PIAS1: variants seen among roughly 807,000 people sequenced by gnomAD.
The protein encoded by PIAS1 is E3 SUMO-protein ligase PIAS1.
A neutral mutation model predicts 71.3 loss-of-function variants in PIAS1; 6 were observed. That is an observed-to-expected ratio of 0.08 (90% CI 0.05 to 0.17). The LOEUF (loss-of-function observed/expected upper bound fraction) is 0.17, where lower values mean the gene tolerates loss of function less well. Among genes scored for constraint, PIAS1 ranks in the 10% least tolerant of loss-of-function variants. PIAS1 has a pLI of 1.00. For synonymous variants in PIAS1, 303 were observed against 292.9 expected (o/e 1.03, Z -0.35); for missense variants, 555 against 793.6 (o/e 0.70, Z 3.61).
At chr15:68,144,676 C>T (rs1250604517) in intron 4 of PIAS1, among the ~76,000 whole-genome samples, 1 of 151,962 alleles carries the variant, frequency 6.6e-6, no homozygotes, top group Non-Finnish European at 1.5e-5. Context: ...TAGGAGTGGT[C>T]CTGTGAGCTT....
At position 68,104,205 on chromosome 15, in the gene PIAS1, C is replaced by CT. The variant is rs1792241709; in HGVS notation, c.469+17456dup. 2.0e-5 allele frequency among the ~76,000 whole-genome samples: 3 copies of CT among 152,156 alleles called. No homozygotes were observed. The South Asian group carries it at 6.2e-4, about 32-fold the overall frequency. ...TAGCACGTACCTGGCTTTTTAAAAA[C>CT]TCAGTCTTAAAATTTAACTTACTCT... On this transcript the variant is annotated intron_variant, in intron 2 of 13. Coordinates refer to ENST00000249636, the MANE Select transcript of PIAS1 (RefSeq NM_016166.3).
chr15:68,184,511 A>C (rs2093074952), intron 13 of PIAS1: 1 of 152,256 alleles, frequency 6.6e-6, no homozygotes, highest in Non-Finnish European at 1.5e-5. Flanking sequence ...ATGCTTAAAG[A>C]AAAGACTGGA....
intron 2 of PIAS1, among the ~76,000 whole-genome samples, chr15:68,125,745 G>T (rs190156184): frequency 8.0e-4 from 121 of 152,074 alleles, no homozygotes; most frequent in African/African-American, 2.8e-3. Flanking sequence ...GTGTTACCCA[G>T]GCTGGAGTAC....
At chr15:68,184,060 C>T (rs2093072379) in intron 13 of PIAS1, 1 of 155,542 alleles carries the variant, frequency 6.4e-6, no homozygotes, top group Admixed American at 6.5e-5. Context: ...AGGACAGCCT[C>T]ATACATCCCA....
chr15:68,110,983 G>C (rs904108994), intron 2 of PIAS1, among the ~76,000 whole-genome samples: 2 of 152,098 alleles, frequency 1.3e-5, no homozygotes, highest in African/African-American at 4.8e-5. Flanking sequence ...TACTTTCTCT[G>C]GTTGGCTGTG....
rs1487236670 is a variant in PIAS1 at position 68,186,440 on chromosome 15, AGT to A, written c.1663-1099_1663-1098del. On this transcript the variant is annotated intron_variant, in intron 13 of 13. Transcript: ENST00000249636. The surrounding 1 kb of genome is among the most constrained non-coding windows in gnomAD (Gnocchi z 4.4). ...TACAATGTACTTGTGTTTTAAATTA[AGT>A]GTTACAAGAGTCAAAGTTTTAAAAA... is the stretch of plus-strand genomic sequence containing the variant. Among the ~76,000 whole-genome samples the A allele has an allele frequency of 6.6e-6, 1 of 152,242 alleles. No homozygotes were observed. The highest frequency in any genetic ancestry group is 1.5e-5 in the Non-Finnish European group (1 of 68,040).
chr15:68,069,948 T>G (rs2092076216), intron 1 of PIAS1, among the ~76,000 whole-genome samples: 1 of 152,116 alleles, frequency 6.6e-6, no homozygotes, highest in Non-Finnish European at 1.5e-5. Context: ...TTTTGGGAAA[T>G]GTTTTCTGGA....
intron 6 of PIAS1, among the ~76,000 whole-genome samples, chr15:68,149,147 T>C (rs8030302): frequency 0.49 from 74,251 of 151,806 alleles, 18,892 homozygotes; most frequent in Middle Eastern, 0.56. Context: ...TGGAGAAAAT[T>C]ATGAATTTAC....
intron 1 of PIAS1, among the ~76,000 whole-genome samples, chr15:68,069,628 G>A (rs773979891): frequency 5.9e-5 from 9 of 151,772 alleles, no homozygotes; most frequent in Non-Finnish European, 8.8e-5. Flanking sequence ...CGGTGAAACC[G>A]CGTCTCTACT....
rs1183102179 is a variant in PIAS1 at position 68,174,456 on chromosome 15, A to T, written c.1169+564A>T. 6.6e-6 allele frequency among the ~76,000 whole-genome samples: 1 copy of T among 152,148 alleles called. No homozygotes were observed. The highest frequency in any genetic ancestry group is 1.5e-5 in the Non-Finnish European group (1 of 68,026). ...GGAATGTTCCTCTAAATTTTCTTCT[A>T]TTCTGCAGCCCCCTTTTCCTCCTGC... On this transcript the variant is annotated intron_variant, in intron 9 of 13. Coordinates refer to ENST00000249636, the MANE Select transcript of PIAS1 (RefSeq NM_016166.3). This position sits in a 1 kb window ranked among gnomAD's most constrained non-coding sequence, Gnocchi z 4.0.
At chr15:68,127,473 TCTC>T (rs1189493185) in intron 2 of PIAS1, among the ~76,000 whole-genome samples, 2 of 152,216 alleles carry the variant, frequency 1.3e-5, no homozygotes, top group Non-Finnish European at 2.9e-5. Context: ...TTAGATCAGT[TCTC>T]CTATTTCACT....
intron 1 of PIAS1, among the ~76,000 whole-genome samples, chr15:68,060,707 C>G (rs769784679): frequency 1.3e-5 from 2 of 152,034 alleles, no homozygotes; most frequent in Non-Finnish European, 2.9e-5. Context: ...TATTTTTAAT[C>G]TCAAAACAAA....
chr15:68,109,987 T>A (rs867006897), intron 2 of PIAS1, among the ~76,000 whole-genome samples: 1 of 152,198 alleles, frequency 6.6e-6, no homozygotes, highest in Non-Finnish European at 1.5e-5. Flanking sequence ...TTTTTACTCC[T>A]GTGGAATTTC....
chr15:68,140,004 C>G (rs1032678997), intron 2 of PIAS1, among the ~76,000 whole-genome samples: 2 of 152,038 alleles, frequency 1.3e-5, no homozygotes, highest in Non-Finnish European at 2.9e-5. Context: ...ACTTCACTGT[C>G]ATTTGTAACA....
rs2093003171 is a variant in PIAS1, at chr15:68,173,354, A to T, written c.1009-378A>T. Among the ~76,000 whole-genome samples, 1 of 151,998 alleles carries T rather than the reference A, an allele frequency of 6.6e-6. No individual in the cohort carries two copies. The highest frequency in any genetic ancestry group is 1.5e-5 in the Non-Finnish European group (1 of 68,010). On this transcript the variant is annotated intron_variant, in intron 8 of 13. Transcript: ENST00000249636. The surrounding 1 kb of genome is among the most constrained non-coding windows in gnomAD (Gnocchi z 4.3). ...GGCACTTCAGCCTGGGCAATATAGC[A>T]AGACCCCATCTGTTTAAAAAAAAAA...
intron 8 of PIAS1, among the ~76,000 whole-genome samples, chr15:68,170,131 T>C (rs761272144): frequency 6.6e-6 from 1 of 152,172 alleles, no homozygotes; most frequent in Non-Finnish European, 1.5e-5. Context: ...ACAAGGAAAT[T>C]AGTCCAACCT....
chr15:68,118,065 G>A (rs1393848595), intron 2 of PIAS1, among the ~76,000 whole-genome samples: 1 of 152,060 alleles, frequency 6.6e-6, no homozygotes, highest in South Asian at 2.1e-4. Flanking sequence ...AGTGGCTCAC[G>A]CCTGTAATCC....
At chr15:68,166,837 C>CT (rs1050898464) in intron 8 of PIAS1, among the ~76,000 whole-genome samples, 5 of 152,020 alleles carry the variant, frequency 3.3e-5, no homozygotes, top group Admixed American at 3.3e-4. Flanking sequence ...TATTTATTTT[C>CT]TTTTTTGAGA....
At chr15:68,156,726 AAAGAG>A (rs1308825117) in intron 7 of PIAS1, among the ~76,000 whole-genome samples, 2 of 150,308 alleles carry the variant, frequency 1.3e-5, no homozygotes, top group Non-Finnish European at 3.0e-5. Context: ...AAAAAAAAAA[AAAGAG>A]AGAGAGAGAG....
Sources: gnomAD v4.1 joint callset for allele counts (sites outside exome capture counted in the v4.1 genomes callset) on GRCh38, gnomAD v4.1.1 for gene constraint, Gnocchi (gnomAD v3.1) non-coding constraint, MANE v1.5 for transcripts, NCBI Gene and HGNC (gene_info 2026-07-23, HGNC 2026-07-21) for gene names.